ERC2: variants seen among roughly 807,000 people sequenced by gnomAD.
ERC2 encodes the protein ELKS/RAB6-interacting/CAST family member 2.
A neutral mutation model predicts 114.8 loss-of-function variants in ERC2; 42 were observed. The ratio of observed to expected loss-of-function variants is 0.37; its 90% CI spans 0.29 to 0.47. ERC2 has a LOEUF of 0.47. Among genes scored for constraint, ERC2 ranks in the 20% least tolerant of loss-of-function variants. The pLI is 0.99. For synonymous variants in ERC2, 454 were observed against 425.5 expected (o/e 1.07, Z -0.82); for missense variants, 939 against 1,150.7 (o/e 0.82, Z 2.66).
At chr3:56,025,315 C>T (rs1460635314) in intron 7 of ERC2, among the ~76,000 whole-genome samples, 1 of 152,188 alleles carries the variant, frequency 6.6e-6, no homozygotes, top group Non-Finnish European at 1.5e-5. Context: ...ACAAATTTAG[C>T]AGCTTAACAG....
chr3:55,544,900 G>A (rs13073697), intron 17 of ERC2, among the ~76,000 whole-genome samples: 51,699 of 151,964 alleles, frequency 0.34, 10,387 homozygotes, highest in East Asian at 0.62. Flanking sequence ...TTTGCCAAAG[G>A]GTCCTGTGAC....
chr3:56,458,662 C>A (rs2063173691), intron 1 of ERC2, among the ~76,000 whole-genome samples: 1 of 152,080 alleles, frequency 6.6e-6, no homozygotes, highest in Non-Finnish European at 1.5e-5. Flanking sequence ...CGCTGTTATC[C>A]CACTCACTAC....
At chr3:55,929,371 C>G (rs1259486214) in intron 13 of ERC2, among the ~76,000 whole-genome samples, 1 of 152,136 alleles carries the variant, frequency 6.6e-6, no homozygotes, top group Non-Finnish European at 1.5e-5. Flanking sequence ...CAGGTACTGC[C>G]CTGCCCTTCT....
intron 3 of ERC2, among the ~76,000 whole-genome samples, chr3:56,220,153 G>T (rs1212289877): frequency 6.6e-6 from 1 of 152,142 alleles, no homozygotes; most frequent in Non-Finnish European, 1.5e-5. Context: ...CTTACACTGT[G>T]ATTATAGGGC....
intron 7 of ERC2, among the ~76,000 whole-genome samples, chr3:56,057,860 G>A (rs2076082003): frequency 6.6e-6 from 1 of 151,530 alleles, no homozygotes; most frequent in Non-Finnish European, 1.5e-5. Flanking sequence ...AAATACTATG[G>A]TTAAAAAAAA....
intron 3 of ERC2, among the ~76,000 whole-genome samples, chr3:56,174,823 C>CA (rs1230614476): frequency 6.6e-6 from 1 of 151,934 alleles, no homozygotes; most frequent in African/African-American, 2.4e-5. Context: ...ACTAAAAATA[C>CA]AAAAATCAGC....
At chr3:56,196,167 A>T (rs538117600) in intron 3 of ERC2, among the ~76,000 whole-genome samples, 3 of 152,248 alleles carry the variant, frequency 2.0e-5, no homozygotes, top group Admixed American at 2.0e-4. Flanking sequence ...AAGCTGCTAC[A>T]CCAGGGAAGA....
At chr3:55,928,703 T>C (rs1404111073) in intron 13 of ERC2, among the ~76,000 whole-genome samples, 2 of 152,144 alleles carry the variant, frequency 1.3e-5, no homozygotes, top group African/African-American at 2.4e-5. Context: ...TCCTGGAGAG[T>C]TTCCCCAGTG....
intron 13 of ERC2, among the ~76,000 whole-genome samples, chr3:55,937,639 G>A (rs2066531153): frequency 1.3e-5 from 2 of 152,146 alleles, no homozygotes; most frequent in Non-Finnish European, 2.9e-5. Context: ...AGGTGACATT[G>A]TTCCATGAAA....
intron 2 of ERC2, among the ~76,000 whole-genome samples, chr3:56,383,687 T>G (rs931139605): frequency 6.6e-6 from 1 of 152,202 alleles, no homozygotes; most frequent in Non-Finnish European, 1.5e-5. Flanking sequence ...TGTGATAAGA[T>G]ACACATAACC....
At chr3:55,714,677 A>ATG (rs1553639607) in intron 15 of ERC2, among the ~76,000 whole-genome samples, 975 of 8,266 alleles carry the variant, frequency 0.12, 30 homozygotes, top group African/African-American at 0.23. Context: ...GTATATATAT[A>ATG]TATATATATA....
At chr3:56,391,660 G>GA (rs2060133024) in intron 2 of ERC2, among the ~76,000 whole-genome samples, 1 of 152,112 alleles carries the variant, frequency 6.6e-6, no homozygotes, top group South Asian at 2.1e-4. Flanking sequence ...AGGGATCAGA[G>GA]AAAAATGAGT....
chr3:56,200,972 A>G (rs933841967), intron 3 of ERC2, among the ~76,000 whole-genome samples: 31 of 152,184 alleles, frequency 2.0e-4, no homozygotes, highest in Admixed American at 6.5e-5. Context: ...TTAATGGGCA[A>G]TTACTATGTG....
intron 17 of ERC2, among the ~76,000 whole-genome samples, chr3:55,632,750 C>A (rs2059807710): frequency 6.6e-6 from 1 of 152,186 alleles, no homozygotes; most frequent in African/African-American, 2.4e-5. Context: ...AGACCAATAT[C>A]ATCTCTCACC....
intron 2 of ERC2, among the ~76,000 whole-genome samples, chr3:56,369,161 C>A (rs559557708): frequency 6.6e-6 from 1 of 152,318 alleles, no homozygotes; most frequent in East Asian, 1.9e-4. Context: ...TCTGTAGAGT[C>A]CTAGTTGTTG....
intron 13 of ERC2, among the ~76,000 whole-genome samples, chr3:55,923,901 C>T (rs1037347070): frequency 6.6e-6 from 1 of 152,118 alleles, no homozygotes; most frequent in Non-Finnish European, 1.5e-5. Flanking sequence ...TTAAGGCAGC[C>T]ACCAATTAAT....
chr3:56,223,517 GCA>G (rs1491100813), intron 3 of ERC2, among the ~76,000 whole-genome samples: 29 of 38,478 alleles, frequency 7.5e-4, no homozygotes, highest in East Asian at 1.8e-3. Flanking sequence ...AAGAAAAATG[GCA>G]AAAAAAAAAA....
chr3:56,467,188 A>G (rs1214008703), intron 1 of ERC2: 1 of 152,282 alleles, frequency 6.6e-6, no homozygotes, highest in Non-Finnish European at 1.5e-5. Context: ...AGAGCCAACC[A>G]GGAAACTAAC....
At chr3:55,628,949 A>C (rs1234029097) in intron 17 of ERC2, among the ~76,000 whole-genome samples, 1 of 30,414 alleles carries the variant, frequency 3.3e-5, no homozygotes, top group East Asian at 1.3e-3. Flanking sequence ...GGACACCAAG[A>C]ACCTTTCTTA....
Sources: allele counts gnomAD v4.1 joint callset (sites outside exome capture counted in the v4.1 genomes callset), GRCh38; gene constraint gnomAD v4.1.1; transcripts MANE v1.5; gene names NCBI Gene and HGNC (gene_info 2026-07-23, HGNC 2026-07-21).